LDLRAD3: variants seen among roughly 807,000 people sequenced by gnomAD.
LDLRAD3 encodes low density lipoprotein receptor class A domain containing 3.
Under a neutral mutation model 29.4 loss-of-function variants are expected in LDLRAD3, and 20 were observed. The observed-to-expected ratio is 0.68, with a 90% CI of 0.48 to 0.99. The LOEUF is 0.99. Among genes scored for constraint, LDLRAD3 ranks in the 50% least tolerant of loss-of-function variants. The probability of loss-of-function intolerance (pLI) is 0.00; values close to 1 mark genes in which losing one functional copy is unlikely to be tolerated. For synonymous variants in LDLRAD3, 157 were observed against 192.7 expected (o/e 0.81, Z 1.53); for missense variants, 420 against 454.3 (o/e 0.92, Z 0.69).
In LDLRAD3 at chr11:36,150,761, A is replaced by G. The variant is rs146883185; in HGVS notation, c.454+52300A>G. Among the ~76,000 whole-genome samples, 3 of 146,272 alleles carry G rather than the reference A, an allele frequency of 2.1e-5. No individual in the cohort carries two copies. In the East Asian group the frequency reaches 6.1e-4, roughly 30 times the overall value. ...CAGAGCAAGACTCTGTTTCAAAAAA[A>G]TAAATAAATAAAAAATTAAAAAGGA... On this transcript the variant is annotated intron_variant, in intron 4 of 5. Coordinates refer to ENST00000315571, the MANE Select transcript of LDLRAD3 (RefSeq NM_174902.4).
At chr11:36,212,210 T>C (rs1855291789) in intron 4 of LDLRAD3, among the ~76,000 whole-genome samples, 1 of 152,174 alleles carries the variant, frequency 6.6e-6, no homozygotes, top group African/African-American at 2.4e-5. Flanking sequence ...GGCAGATGCC[T>C]CAGAGGTTTC....
intron 4 of LDLRAD3, among the ~76,000 whole-genome samples, chr11:36,186,434 G>C (rs574238975): frequency 6.6e-6 from 1 of 152,044 alleles, no homozygotes; most frequent in Non-Finnish European, 1.5e-5. Context: ...TTTTGAAAGG[G>C]GAAATTGACA....
intron 1 of LDLRAD3, among the ~76,000 whole-genome samples, chr11:36,000,863 T>C (rs1851815088): frequency 1.3e-5 from 2 of 151,146 alleles, no homozygotes. Flanking sequence ...TCCAGCAGAG[T>C]GGGTTGAGAG....
chr11:36,211,908 C>T (rs931123566), intron 4 of LDLRAD3, among the ~76,000 whole-genome samples: 6 of 152,168 alleles, frequency 3.9e-5, no homozygotes, highest in African/African-American at 4.8e-5. Context: ...GCTGCTGACT[C>T]GGCAGGCTCA....
intron 4 of LDLRAD3, among the ~76,000 whole-genome samples, chr11:36,128,181 T>C (rs1853870508): frequency 7.0e-6 from 1 of 143,126 alleles, no homozygotes; most frequent in Non-Finnish European, 1.5e-5. Context: ...AACTGAAAGA[T>C]GAAGAATTAA....
chr11:36,175,246 T>C (rs1854658945), intron 4 of LDLRAD3, among the ~76,000 whole-genome samples: 1 of 152,186 alleles, frequency 6.6e-6, no homozygotes, highest in South Asian at 2.1e-4. Flanking sequence ...ATTTTGTTTA[T>C]CTTTTCAAAG....
At chr11:35,961,595 A>C (rs1851278706) in intron 1 of LDLRAD3, among the ~76,000 whole-genome samples, 1 of 152,170 alleles carries the variant, frequency 6.6e-6, no homozygotes, top group African/African-American at 2.4e-5. Context: ...GAGGGCTGGG[A>C]GTGTCATTTA....
chr11:36,068,439 C>T (rs181647307), intron 2 of LDLRAD3, among the ~76,000 whole-genome samples: 280 of 152,218 alleles, frequency 1.8e-3, no homozygotes, highest in Non-Finnish European at 2.8e-3. Flanking sequence ...CAGATGGGGA[C>T]GCTGAGGCTG....
At chr11:36,073,367 AGTCACCCT>A (rs1289865326) in intron 2 of LDLRAD3, among the ~76,000 whole-genome samples, 1 of 152,238 alleles carries the variant, frequency 6.6e-6, no homozygotes, top group Admixed American at 6.5e-5. Context: ...AATGGAGTAG[AGTCACCCT>A]GTCTGCCTTT....
At chr11:36,059,781 GT>G (rs111258423) in intron 2 of LDLRAD3, among the ~76,000 whole-genome samples, 5,272 of 152,040 alleles carry the variant, frequency 0.035, 275 homozygotes, top group African/African-American at 0.12. Flanking sequence ...TTTGTTTTTT[GT>G]TTTTTCTTTT....
chr11:36,206,600 G>T (rs1855211771), intron 4 of LDLRAD3, among the ~76,000 whole-genome samples: 1 of 152,112 alleles, frequency 6.6e-6, no homozygotes, highest in Non-Finnish European at 1.5e-5. Flanking sequence ...TGAACAGGAG[G>T]TCATGTTGGC....
chr11:35,991,496 T>A (rs192109946), intron 1 of LDLRAD3, among the ~76,000 whole-genome samples: 26 of 152,336 alleles, frequency 1.7e-4, no homozygotes, highest in African/African-American at 6.0e-4. Context: ...TTTATCATAT[T>A]TTTTAGGCTT....
At chr11:35,999,509 C>T (rs1234114900) in intron 1 of LDLRAD3, among the ~76,000 whole-genome samples, 1 of 152,232 alleles carries the variant, frequency 6.6e-6, no homozygotes, top group Non-Finnish European at 1.5e-5. Context: ...TGCAGATTCA[C>T]TCCTTCTTGG....
chr11:35,968,363 CT>C, intron 1 of LDLRAD3: 2 of 365,970 alleles, frequency 5.5e-6, no homozygotes, highest in Non-Finnish European at 1.1e-5. Flanking sequence ...GCTCAGCGGG[CT>C]TTTGGGAGTA....
At chr11:36,067,107 C>T (rs1166423828) in intron 2 of LDLRAD3, among the ~76,000 whole-genome samples, 1 of 152,128 alleles carries the variant, frequency 6.6e-6, no homozygotes, top group African/African-American at 2.4e-5. Flanking sequence ...CTAACACACT[C>T]CTAATAATCT....
At chr11:36,154,270 C>T (rs1854316469) in intron 4 of LDLRAD3, among the ~76,000 whole-genome samples, 1 of 152,136 alleles carries the variant, frequency 6.6e-6, no homozygotes, top group South Asian at 2.1e-4. Context: ...GAAGAATGTG[C>T]CCATGATACT....
At chr11:36,200,542 A>G (rs1205199683) in intron 4 of LDLRAD3, among the ~76,000 whole-genome samples, 1 of 152,346 alleles carries the variant, frequency 6.6e-6, no homozygotes, top group Admixed American at 6.5e-5. Flanking sequence ...AGGCATGGCC[A>G]AGATACCACA....
intron 2 of LDLRAD3, among the ~76,000 whole-genome samples, chr11:36,039,060 C>T (rs1852345536): frequency 6.6e-6 from 1 of 151,724 alleles, no homozygotes; most frequent in Admixed American, 6.6e-5. Context: ...AGCTCCGCCT[C>T]CCGGGTTCAC....
chr11:35,993,035 A>G (rs1851709155), intron 1 of LDLRAD3, among the ~76,000 whole-genome samples: 1 of 152,064 alleles, frequency 6.6e-6, no homozygotes, highest in South Asian at 2.1e-4. Flanking sequence ...CATAATCCAC[A>G]CTTTTATGGA....
Sources: gnomAD v4.1 joint callset for allele counts (sites outside exome capture counted in the v4.1 genomes callset) on GRCh38, gnomAD v4.1.1 for gene constraint, MANE v1.5 for transcripts, NCBI Gene and HGNC (gene_info 2026-07-23, HGNC 2026-07-21) for gene names.